ADAMTSL2: variants seen among roughly 807,000 people sequenced by gnomAD.
ADAMTSL2 encodes ADAMTS-like protein 2.
ADAMTSL2 carries 55 observed loss-of-function variants against 117.0 expected under a neutral mutation model. The ratio of observed to expected loss-of-function variants is 0.47; its 90% CI spans 0.38 to 0.59. The LOEUF (loss-of-function observed/expected upper bound fraction) is 0.59, where lower values mean the gene tolerates loss of function less well. Among genes scored for constraint, ADAMTSL2 ranks in the 20% least tolerant of loss-of-function variants. The probability of loss-of-function intolerance (pLI) is 0.00; values close to 1 mark genes in which losing one functional copy is unlikely to be tolerated. For synonymous variants in ADAMTSL2, 572 were observed against 566.4 expected (o/e 1.01, Z -0.14); for missense variants, 1,182 against 1,354.5 (o/e 0.87, Z 2.00).
In ADAMTSL2 at chr9:133,544,496, G is replaced by A. The variant is rs752442910; in HGVS notation, c.709G>A (p.Ala237Thr). The A allele has an allele frequency of 6.2e-7, 1 of 1,614,160 alleles. No individual in the cohort carries two copies. The highest frequency in any genetic ancestry group is 1.1e-5 in the South Asian group (1 of 91,080). The change falls in exon 8 of 19, where the codon GCT becomes ACT. Residue 237 changes from alanine (A) to threonine (T), a missense_variant. Physicochemically the swap from Ala to Thr is moderately conservative, Grantham distance 58. This residue lies in a region of ADAMTSL2 where 372 missense variants were observed against 463.4 expected (regional missense o/e 0.80). Coordinates refer to ENST00000651351, the MANE Select transcript of ADAMTSL2 (RefSeq NM_014694.4). ...LGYSLVTHIP[A>T]GARDIQIVER... ...TTACTCTCTGGTGACCCACATCCCG[G>A]CTGGTGCCCGAGACATCCAGATTGT...
intron 12 of ADAMTSL2, among the ~76,000 whole-genome samples, chr9:133,564,649 GGAGAGAGGGA>G (rs1830914745): frequency 3.6e-5 from 1 of 27,804 alleles, no homozygotes; most frequent in Non-Finnish European, 7.8e-5. Context: ...AGGGAGAGAG[GGAGAGAGGGA>G]GAGAGAGAGG....
rs148191166 is a variant in ADAMTSL2 at position 133,540,970 on chromosome 9, G to A, written c.651G>A (p.Thr217=). 251 of 1,613,418 alleles carry A rather than the reference G, an allele frequency of 1.6e-4. 1 individual carries two copies. The highest frequency in any genetic ancestry group is 3.3e-4 in the South Asian group (30 of 91,080). Reference sequence around the variant, plus strand: ...ACGGTAGCAGCTGCACCCACGTGACGGGCAACTATCGCAAGGGGAATGCCC... The same window carrying A: ...ACGGTAGCAGCTGCACCCACGTGACAGGCAACTATCGCAAGGGGAATGCCC... ...QGDGSSCTHV[T]GNYRKGNAHL... The change falls in exon 7 of 19, where the codon ACG becomes ACA. Residue 217 remains threonine, a synonymous_variant. Coordinates refer to ENST00000651351, the MANE Select transcript of ADAMTSL2 (RefSeq NM_014694.4).
chr9:133,542,563 C>T (rs963729245), intron 7 of ADAMTSL2, among the ~76,000 whole-genome samples: 2 of 152,230 alleles, frequency 1.3e-5, no homozygotes, highest in African/African-American at 2.4e-5. Context: ...AACAGCGCCC[C>T]TCATTCTTCT....
At chr9:133,561,609 G>A (rs1041655975) in intron 12 of ADAMTSL2, among the ~76,000 whole-genome samples, 1 of 152,122 alleles carries the variant, frequency 6.6e-6, no homozygotes, top group Admixed American at 6.5e-5. Flanking sequence ...ACATCCTTTG[G>A]GTTAAAAGTA....
chr9:133,573,421 C>T (rs1443336077), intron 17 of ADAMTSL2, among the ~76,000 whole-genome samples: 1 of 152,220 alleles, frequency 6.6e-6, no homozygotes, highest in African/African-American at 2.4e-5. Flanking sequence ...GGCCAGAGGA[C>T]CCTCAGGGAG....
intron 12 of ADAMTSL2, among the ~76,000 whole-genome samples, chr9:133,564,344 AAGAGAGAGGGAG>A (rs1414217498): frequency 5.4e-4 from 2 of 3,670 alleles, no homozygotes; most frequent in African/African-American, 3.0e-3. Context: ...AAGAGAGAGA[AAGAGAGAGGGAG>A]AGAGAGAGGG....
Position 133,536,739 on chromosome 9 carries a change from C to G in ADAMTSL2, c.27C>G (p.Cys9Trp). The change falls in exon 2 of 19, where the codon TGC (cysteine) becomes TGG (tryptophan). Residue 9 changes from cysteine (C) to tryptophan (W), a missense_variant. By Grantham distance (215) the Cys-to-Trp change is radical. This residue lies in a region of ADAMTSL2 where 372 missense variants were observed against 463.4 expected (regional missense o/e 0.80). Transcript: ENST00000651351. MDGRWQCSCWAWFLLVLAV... is the reference protein window; with the variant it reads MDGRWQCSWWAWFLLVLAV... The stretch of plus-strand genomic sequence containing the variant: ...TGGATGGCAGATGGCAATGTTCCTG[C>G]TGGGCCTGGTTCCTGCTGGTTCTGG... 1 of 1,614,228 alleles carries G rather than the reference C, an allele frequency of 6.2e-7. No individual in the cohort carries two copies. The highest frequency in any genetic ancestry group is 1.6e-4 in the Middle Eastern group (1 of 6,062).
At chr9:133,563,838 A>G (rs1588301969) in intron 12 of ADAMTSL2, among the ~76,000 whole-genome samples, 18 of 42,778 alleles carry the variant, frequency 4.2e-4, no homozygotes, top group African/African-American at 7.4e-4. Flanking sequence ...AGAGAGAGAG[A>G]GAGAGGGAGA....
intron 2 of ADAMTSL2, 80 bp from the exon 3 acceptor site, chr9:133,537,325 A>C: frequency 7.7e-7 from 1 of 1,299,116 alleles, no homozygotes; most frequent in East Asian, 2.8e-5. Flanking sequence ...TGACGGTGAT[A>C]CCCTCGGGCA....
Position 133,534,878 on chromosome 9 carries a change from C to T in ADAMTSL2, c.-190C>T, listed in dbSNP as rs1830013421. The T allele has an allele frequency of 6.8e-7, 1 of 1,464,420 alleles. No individual in the cohort carries two copies. Among genetic ancestry groups the T allele is most frequent in the Non-Finnish European group, 9.1e-7 (1 of 1,103,164 alleles). The allele number at this position is 1,464,420 out of a possible 1,614,324, so 90.7% of individuals were successfully genotyped here. A position where few individuals can be genotyped will look rare whatever the true frequency, so the allele number is the denominator to read the frequency against. ...CGCCGTCTGCCCTCCGCAGCGCTCG[C>T]CCCTTTCTCTGGGAGGACAACCTGC... On this transcript the variant is annotated 5_prime_UTR_variant, in exon 1 of 19. Transcript: ENST00000651351.
chr9:133,560,913 G>C (rs1282754229), intron 11 of ADAMTSL2, among the ~76,000 whole-genome samples: 6 of 152,174 alleles, frequency 3.9e-5, no homozygotes, highest in African/African-American at 7.2e-5. Context: ...AAATTCTCAG[G>C]CCACCCCTCC....
At chr9:133,537,284 C>A in intron 2 of ADAMTSL2, 121 bp from the exon 3 acceptor site, 1 of 1,140,146 alleles carries the variant, frequency 8.8e-7, no homozygotes, top group Non-Finnish European at 1.1e-6. Context: ...GCAAGGGGGC[C>A]CAGCCAGGGG....
intron 17 of ADAMTSL2, among the ~76,000 whole-genome samples, chr9:133,571,447 C>A (rs1424474226): frequency 6.6e-6 from 1 of 152,140 alleles, no homozygotes; most frequent in Non-Finnish European, 1.5e-5. Context: ...GAGGGGGTGG[C>A]AAACTGGGTG....
intron 5 of ADAMTSL2, 76 bp from the exon 6 acceptor site, chr9:133,540,522 G>A (rs748390763): frequency 3.8e-6 from 6 of 1,564,720 alleles, no homozygotes; most frequent in Admixed American, 3.7e-5. Context: ...TGTCTCAGAG[G>A]GAGGAAAAGG....
At chr9:133,550,772 C>T (rs1051476396) in intron 9 of ADAMTSL2, among the ~76,000 whole-genome samples, 2 of 152,110 alleles carry the variant, frequency 1.3e-5, no homozygotes, top group African/African-American at 4.8e-5. Context: ...TCCATCCCTT[C>T]CTCCACGCTG....
In ADAMTSL2 at chr9:133,544,468, A is replaced by G. The variant is rs1019928709; in HGVS notation, c.683-2A>G. 2 of 1,613,556 alleles carry G rather than the reference A, an allele frequency of 1.2e-6. No individual in the cohort carries two copies. Among genetic ancestry groups the G allele is most frequent in the Non-Finnish European group, 1.7e-6 (2 of 1,179,582 alleles). ...GGCTCACTGTCATCCTTTTGCCTCC[A>G]GGTTACTCTCTGGTGACCCACATCC... On this transcript the variant is annotated splice_acceptor_variant, in intron 7 of 18. Coordinates refer to ENST00000651351, the MANE Select transcript of ADAMTSL2 (RefSeq NM_014694.4). LOFTEE classifies it high-confidence loss of function.
At position 133,574,941 on chromosome 9, in the gene ADAMTSL2, A is replaced by C; in HGVS notation, c.*77A>C. The C allele has an allele frequency of 8.6e-7, 1 of 1,161,436 alleles. No individual in the cohort carries two copies. Among genetic ancestry groups the C allele is most frequent in the Non-Finnish European group, 1.3e-6 (1 of 773,434 alleles). 71.9% of individuals were successfully genotyped at this position (1,161,436 alleles called of 1,614,324 possible). ...CTGCTGCAGCTTCTGGGGCCTCCACAGACCCCCCTCCTGCGGGGCACGCTG... is the reference window on the plus strand; with the variant it reads ...CTGCTGCAGCTTCTGGGGCCTCCACCGACCCCCCTCCTGCGGGGCACGCTG... On this transcript the variant is annotated 3_prime_UTR_variant, in exon 19 of 19. Transcript: ENST00000651351.
At chr9:133,570,976 C>A (rs1831092450) in intron 17 of ADAMTSL2, among the ~76,000 whole-genome samples, 1 of 152,172 alleles carries the variant, frequency 6.6e-6, no homozygotes, top group Non-Finnish European at 1.5e-5. Flanking sequence ...CCGGCGGGGC[C>A]AGAGGGAAGG....
intron 12 of ADAMTSL2, among the ~76,000 whole-genome samples, chr9:133,566,077 T>A (rs1218905741): frequency 6.6e-6 from 1 of 152,160 alleles, no homozygotes; most frequent in Non-Finnish European, 1.5e-5. Flanking sequence ...GAGGGCTGCC[T>A]GTCACCCACT....
Sources: allele counts gnomAD v4.1 joint callset (sites outside exome capture counted in the v4.1 genomes callset), GRCh38; gene constraint gnomAD v4.1.1; regional missense constraint gnomAD v4.1.1; transcripts MANE v1.5; gene names NCBI Gene and HGNC (gene_info 2026-07-23, HGNC 2026-07-21).